FERRY3: variants seen among roughly 807,000 people sequenced by gnomAD.
The protein encoded by FERRY3 is protein C12orf4.
chr12:4,507,974 C>T, the FERRY3 span, among the ~76,000 whole-genome samples: 1 of 152,214 alleles, frequency 6.6e-6, no homozygotes, highest in South Asian at 2.1e-4. Flanking sequence ...TCACTGTATG[C>T]TCTTTTGTAC....
chr12:4,530,535 T>C, the FERRY3 span, among the ~76,000 whole-genome samples: 4 of 152,180 alleles, frequency 2.6e-5, no homozygotes, highest in Non-Finnish European at 5.9e-5. Flanking sequence ...ACTGTTAAAG[T>C]AGGTTACATA....
the FERRY3 span, among the ~76,000 whole-genome samples, chr12:4,521,962 C>T: frequency 7.9e-5 from 12 of 152,172 alleles, no homozygotes; most frequent in Non-Finnish European, 1.5e-4. Context: ...AACAAAACTA[C>T]TCTGTATGGT....
chr12:4,514,106 A>G, the FERRY3 span, among the ~76,000 whole-genome samples: 1,429 of 151,714 alleles, frequency 9.4e-3, 23 homozygotes, highest in African/African-American at 0.033. Context: ...ACACTTCTCA[A>G]AAGAAGACAT....
At chr12:4,535,413 CCT>C in the FERRY3 span, among the ~76,000 whole-genome samples, 2 of 152,178 alleles carry the variant, frequency 1.3e-5, no homozygotes, top group African/African-American at 4.8e-5. This position sits in a 1 kb window ranked among gnomAD's most constrained non-coding sequence, Gnocchi z 4.0. Flanking sequence ...AATAATTTAA[CCT>C]CTTTATGTTC....
chr12:4,509,672 T>C, the FERRY3 span, among the ~76,000 whole-genome samples: 10,143 of 137,970 alleles, frequency 0.074, 800 homozygotes, highest in East Asian at 0.18. Context: ...TTCCAACACA[T>C]CTGCAGCTGA....
the FERRY3 span, among the ~76,000 whole-genome samples, chr12:4,496,014 G>A: frequency 1.3e-5 from 2 of 152,114 alleles, no homozygotes; most frequent in South Asian, 2.1e-4. Flanking sequence ...ATGCCACTTA[G>A]CAGCGTATGA....
the FERRY3 span, among the ~76,000 whole-genome samples, chr12:4,493,359 C>T: frequency 6.6e-6 from 1 of 152,268 alleles, no homozygotes; most frequent in East Asian, 1.9e-4. Flanking sequence ...CTGAGCAATA[C>T]ACATGCTCAA....
At chr12:4,489,698 G>C in the FERRY3 span, 6 of 758,612 alleles carry the variant, frequency 7.9e-6, no homozygotes, top group Non-Finnish European at 1.3e-5. Context: ...TGTGGATTGA[G>C]CTGCAAGTTC....
At chr12:4,503,522 A>T in the FERRY3 span, among the ~76,000 whole-genome samples, 1 of 151,444 alleles carries the variant, frequency 6.6e-6, no homozygotes, top group African/African-American at 2.5e-5. Flanking sequence ...TTTAAAAATT[A>T]AATTAATTTT....
chr12:4,494,348 T>C, the FERRY3 span, among the ~76,000 whole-genome samples: 1 of 152,210 alleles, frequency 6.6e-6, no homozygotes, highest in African/African-American at 2.4e-5. Context: ...TAAAATATAA[T>C]TTATTACGTT....
the FERRY3 span, among the ~76,000 whole-genome samples, chr12:4,506,454 T>G: frequency 5.1e-4 from 77 of 152,284 alleles, no homozygotes; most frequent in African/African-American, 1.8e-3. Context: ...GTCAGAGAGA[T>G]AGAAGGCTTT....
the FERRY3 span, among the ~76,000 whole-genome samples, chr12:4,537,439 T>A: frequency 1.3e-5 from 2 of 152,200 alleles, no homozygotes; most frequent in African/African-American, 4.8e-5. Context: ...TTCCATGTAT[T>A]AGGCAGGATG....
chr12:4,525,204 A>G, the FERRY3 span: 1 of 1,570,962 alleles, frequency 6.4e-7, no homozygotes, highest in Non-Finnish European at 8.7e-7. Context: ...AAATATAAAC[A>G]TTACTAACAA....
chr12:4,497,230 A>G, the FERRY3 span, among the ~76,000 whole-genome samples: 1 of 152,218 alleles, frequency 6.6e-6, no homozygotes, highest in Admixed American at 6.5e-5. Context: ...CATGCACAAT[A>G]TTATGGATAG....
At chr12:4,507,011 C>T in the FERRY3 span, among the ~76,000 whole-genome samples, 1 of 152,112 alleles carries the variant, frequency 6.6e-6, no homozygotes, top group East Asian at 1.9e-4. Flanking sequence ...AAAGTAGTTG[C>T]TTGAACAAGA....
At chr12:4,528,929 AC>A in the FERRY3 span, among the ~76,000 whole-genome samples, 1 of 150,398 alleles carries the variant, frequency 6.6e-6, no homozygotes, top group African/African-American at 2.5e-5. Flanking sequence ...ACACACACAC[AC>A]ACACACACAA....
chr12:4,521,126 C>T, the FERRY3 span, among the ~76,000 whole-genome samples: 2 of 151,892 alleles, frequency 1.3e-5, no homozygotes, highest in South Asian at 2.1e-4. Context: ...TTTGGGAGGC[C>T]GAGGTGGGCG....
At chr12:4,510,841 C>T in the FERRY3 span, among the ~76,000 whole-genome samples, 42 of 151,048 alleles carry the variant, frequency 2.8e-4, no homozygotes, top group African/African-American at 3.4e-4. Context: ...CATCAACTAA[C>T]GAGCAAAATC....
At chr12:4,529,571 CA>C in the FERRY3 span, among the ~76,000 whole-genome samples, 1 of 152,282 alleles carries the variant, frequency 6.6e-6, no homozygotes, top group East Asian at 1.9e-4. Flanking sequence ...GCAGTTTGCA[CA>C]GTGCCTGGAA....
Sources: allele counts gnomAD v4.1 joint callset (sites outside exome capture counted in the v4.1 genomes callset), GRCh38; gene constraint gnomAD v4.1.1; non-coding constraint Gnocchi (gnomAD v3.1); transcripts MANE v1.5; gene names NCBI Gene and HGNC (gene_info 2026-07-23, HGNC 2026-07-21).